Variants in CHSY3 observed in about 807,000 individuals in gnomAD.
CHSY3 encodes the protein N-acetylgalactosaminyl-proteoglycan 3-beta-glucuronosyltransferase 3.
Under a neutral mutation model 67.2 loss-of-function variants are expected in CHSY3, and 35 were observed. The ratio of observed to expected loss-of-function variants is 0.52; its 90% CI spans 0.40 to 0.69. CHSY3 has a LOEUF of 0.69. CHSY3 is among the 30% of genes least tolerant of loss of function. The pLI is 0.00. For synonymous variants in CHSY3, 474 were observed against 434.7 expected (o/e 1.09, Z -1.12); for missense variants, 1,069 against 1,138.5 (o/e 0.94, Z 0.88).
chr5:130,080,187 T>TA (rs1248972068), intron 2 of CHSY3, among the ~76,000 whole-genome samples: 1 of 151,982 alleles, frequency 6.6e-6, no homozygotes, highest in Non-Finnish European at 1.5e-5. Context: ...ATCTATACTA[T>TA]ACTATATAAT....
chr5:130,106,882 T>C (rs1236783429), intron 2 of CHSY3, among the ~76,000 whole-genome samples: 1 of 151,530 alleles, frequency 6.6e-6, no homozygotes, highest in Non-Finnish European at 1.5e-5. Flanking sequence ...CTAAGGAAGG[T>C]TCATAATTTT....
intron 2 of CHSY3, among the ~76,000 whole-genome samples, chr5:130,045,149 C>T (rs1765108921): frequency 6.6e-6 from 1 of 152,000 alleles, no homozygotes; most frequent in African/African-American, 2.4e-5. Flanking sequence ...CACCACCATG[C>T]CTGTCAGTTT....
At chr5:129,913,522 C>A (rs1021311045) in intron 2 of CHSY3, among the ~76,000 whole-genome samples, 1 of 152,034 alleles carries the variant, frequency 6.6e-6, no homozygotes, top group Non-Finnish European at 1.5e-5. Flanking sequence ...TTTATACATT[C>A]ATGTTCATTT....
Position 130,185,953 on chromosome 5 carries a change from G to A in CHSY3, c.*162G>A. 2.6e-6 allele frequency: 1 copy of A among 384,868 alleles called. No individual in the cohort carries two copies. The highest frequency in any genetic ancestry group is 4.4e-6 in the Non-Finnish European group (1 of 226,858). 23.8% of individuals were successfully genotyped at this position (384,868 alleles called of 1,614,324 possible). A position where few individuals can be genotyped will look rare whatever the true frequency, so the allele number is the denominator to read the frequency against. On this transcript the variant is annotated 3_prime_UTR_variant, in exon 3 of 3. Transcript: ENST00000305031. The stretch of plus-strand genomic sequence containing the variant: ...CTTGGTTGTCTTCCTAAGGGTGTTT[G>A]TTGACCTCAAGCAAGAAGAGTCTGC...
At chr5:130,019,372 A>G (rs1764301258) in intron 2 of CHSY3, among the ~76,000 whole-genome samples, 1 of 152,160 alleles carries the variant, frequency 6.6e-6, no homozygotes, top group East Asian at 1.9e-4. Context: ...CACCCAGCCC[A>G]GAAACCTGGG....
chr5:129,905,382 G>C lies in CHSY3; in HGVS notation c.553G>C (p.Gly185Arg). Reference sequence around the variant, plus strand: ...GGTGATGACCGCGCAGAAGTACCTGGGCAGCCGCGCGCTGGCCGCGCAGCG... The same window carrying C: ...GGTGATGACCGCGCAGAAGTACCTGCGCAGCCGCGCGCTGGCCGCGCAGCG... ...VGVMTAQKYL[G>R]SRALAAQRTW... The change falls in exon 1 of 3, where the codon GGC (glycine) becomes CGC (arginine). Residue 185 changes from glycine to arginine, a missense_variant. Physicochemically the swap from Gly to Arg is moderately radical, Grantham distance 125. Transcript: ENST00000305031. 1.3e-6 allele frequency: 2 copies of C among 1,597,246 alleles called. No individual in the cohort carries two copies. The highest frequency in any genetic ancestry group is 1.7e-6 in the Non-Finnish European group (2 of 1,173,886).
chr5:130,064,180 A>G (rs1415176405), intron 2 of CHSY3, among the ~76,000 whole-genome samples: 2 of 152,090 alleles, frequency 1.3e-5, no homozygotes, highest in Non-Finnish European at 2.9e-5. Flanking sequence ...AAATGTTTTC[A>G]TCAGTAGCCC....
intron 2 of CHSY3, among the ~76,000 whole-genome samples, chr5:130,058,131 G>C (rs1470293981): frequency 6.6e-6 from 1 of 152,068 alleles, no homozygotes; most frequent in Non-Finnish European, 1.5e-5. Context: ...ATAGCCTTCA[G>C]TGTCTGATTT....
intron 2 of CHSY3, among the ~76,000 whole-genome samples, chr5:130,028,111 A>G (rs974284971): frequency 3.3e-5 from 5 of 152,152 alleles, no homozygotes; most frequent in African/African-American, 1.2e-4. Context: ...TGTAGATTCA[A>G]TGCCATCCCC....
chr5:130,120,494 A>G (rs1464597451), intron 2 of CHSY3, among the ~76,000 whole-genome samples: 2 of 144,962 alleles, frequency 1.4e-5, no homozygotes, highest in East Asian at 1.9e-4. Flanking sequence ...AAGAAAAAAA[A>G]AAAAAAAAAA....
chr5:130,183,493 C>A (rs2149738318), intron 2 of CHSY3, among the ~76,000 whole-genome samples: 1 of 152,240 alleles, frequency 6.6e-6, no homozygotes. Flanking sequence ...TTCCAAACAA[C>A]AGGTCATTGG....
intron 2 of CHSY3, among the ~76,000 whole-genome samples, chr5:129,996,379 C>CA (rs1194981097): frequency 6.6e-6 from 1 of 152,110 alleles, no homozygotes; most frequent in Non-Finnish European, 1.5e-5. Flanking sequence ...GTGAGTGTCT[C>CA]AAAAAATGGC....
intron 2 of CHSY3, among the ~76,000 whole-genome samples, chr5:130,006,235 C>T (rs1446364062): frequency 2.0e-5 from 3 of 151,986 alleles, no homozygotes; most frequent in Admixed American, 6.6e-5. Flanking sequence ...AAAGTTGTGG[C>T]GTTAGGAATT....
intron 2 of CHSY3, among the ~76,000 whole-genome samples, chr5:130,037,134 A>T (rs991930685): frequency 6.6e-6 from 1 of 152,166 alleles, no homozygotes; most frequent in African/African-American, 2.4e-5. Context: ...TCAGTGGGAT[A>T]GCAAGGAGGC....
At chr5:129,946,477 A>T (rs1168255430) in intron 2 of CHSY3, among the ~76,000 whole-genome samples, 2 of 152,224 alleles carry the variant, frequency 1.3e-5, no homozygotes, top group Non-Finnish European at 2.9e-5. Context: ...ATAAGTATTC[A>T]TAGATAATTT....
intron 2 of CHSY3, among the ~76,000 whole-genome samples, chr5:130,005,183 G>A (rs145143171): frequency 0.016 from 2,415 of 152,238 alleles, 49 homozygotes; most frequent in African/African-American, 0.054. Context: ...TTGGGAGGCT[G>A]AGGCAGGCAG....
At chr5:130,068,369 G>T (rs1387026585) in intron 2 of CHSY3, among the ~76,000 whole-genome samples, 1 of 151,992 alleles carries the variant, frequency 6.6e-6, no homozygotes, top group Non-Finnish European at 1.5e-5. Context: ...TGTACATGAT[G>T]GTCCACGTGC....
At chr5:129,980,242 T>G (rs764172183) in intron 2 of CHSY3, among the ~76,000 whole-genome samples, 4 of 152,232 alleles carry the variant, frequency 2.6e-5, no homozygotes, top group Non-Finnish European at 5.9e-5. Context: ...TCGCACCACA[T>G]CCTTGCAGAA....
intron 2 of CHSY3, among the ~76,000 whole-genome samples, chr5:130,109,550 G>C (rs1443489134): frequency 1.3e-5 from 2 of 151,646 alleles, no homozygotes; most frequent in Non-Finnish European, 3.0e-5. Flanking sequence ...CAATTGTTAG[G>C]CTTAAATTTT....
Sources: gnomAD v4.1 joint callset for allele counts (sites outside exome capture counted in the v4.1 genomes callset) on GRCh38, gnomAD v4.1.1 for gene constraint, MANE v1.5 for transcripts, NCBI Gene and HGNC (gene_info 2026-07-23, HGNC 2026-07-21) for gene names.